Variants in VPS13D observed in about 807,000 individuals in gnomAD.
VPS13D encodes the protein intermembrane lipid transfer protein VPS13D.
A neutral mutation model predicts 461.9 loss-of-function variants in VPS13D; 187 were observed. That is an observed-to-expected ratio of 0.40 (90% CI 0.36 to 0.46). The LOEUF is 0.46. Ranked by LOEUF, VPS13D falls within the 20% of genes least tolerant of loss-of-function variation. The pLI is 0.60. For synonymous variants in VPS13D, 1,951 were observed against 1,986.3 expected, an observed-to-expected ratio of 0.98 and a Z score of 0.47; for missense variants, 4,711 against 5,364.9, an observed-to-expected ratio of 0.88 and a Z score of 3.81.
intron 14 of VPS13D, 25 bp from the exon 15 acceptor site, chr1:12,267,820 G>A (rs374375184): frequency 3.4e-5 from 55 of 1,610,880 alleles, no homozygotes; most frequent in Non-Finnish European, 4.3e-5. Flanking sequence ...TGACGTTTAC[G>A]CATTTTTGTG....
chr1:12,380,826 C>T (rs917721251), intron 57 of VPS13D, among the ~76,000 whole-genome samples: 4 of 152,284 alleles, frequency 2.6e-5, no homozygotes, highest in South Asian at 4.1e-4. Flanking sequence ...TTATCTCTAT[C>T]GCCCTGAGCT....
At position 12,356,385 on chromosome 1, in the gene VPS13D, C is replaced by T; in HGVS notation, c.9872-13C>T. On this transcript the variant is annotated splice_polypyrimidine_tract_variant and intron_variant, in intron 48 of 69. Transcript: ENST00000620676. ...GGGTGGTATTGATGTAAACTTTTCT[C>T]TCCTTCCTAAAGGGTTGCCACTGAT... 1 of 1,609,784 alleles carries T rather than the reference C, an allele frequency of 6.2e-7. No homozygotes were observed. The highest frequency in any genetic ancestry group is 1.7e-4 in the Middle Eastern group (1 of 5,850).
At chr1:12,480,084 G>A (rs1231092618) in intron 67 of VPS13D, among the ~76,000 whole-genome samples, 1 of 152,182 alleles carries the variant, frequency 6.6e-6, no homozygotes, top group Non-Finnish European at 1.5e-5. Context: ...TTTGTGCCCA[G>A]GAGCTGTGCT....
intron 22 of VPS13D, among the ~76,000 whole-genome samples, chr1:12,289,433 T>C (rs1211515121): frequency 6.6e-6 from 1 of 152,110 alleles, no homozygotes; most frequent in East Asian, 1.9e-4. Flanking sequence ...CTTTCCTAAT[T>C]ATCAAAGATT....
At chr1:12,406,356 C>A (rs1184743401) in intron 63 of VPS13D, among the ~76,000 whole-genome samples, 7 of 152,104 alleles carry the variant, frequency 4.6e-5, no homozygotes, top group Non-Finnish European at 8.8e-5. Flanking sequence ...TATATAATGG[C>A]TAAAAGTGTG....
intron 9 of VPS13D, among the ~76,000 whole-genome samples, chr1:12,257,553 A>G (rs561012536): frequency 1.1e-4 from 17 of 152,304 alleles, no homozygotes; most frequent in East Asian, 3.9e-4. Flanking sequence ...TAAAGATCCT[A>G]TGTATTTCCA....
chr1:12,358,725 G>A, intron 50 of VPS13D, 124 bp downstream of exon 50: 1 of 1,244,896 alleles, frequency 8.0e-7, no homozygotes, highest in Non-Finnish European at 1.1e-6. Flanking sequence ...TTGGCATTGG[G>A]TCAGGTATCT....
At chr1:12,327,284 G>A (rs1280704297) in intron 35 of VPS13D, among the ~76,000 whole-genome samples, 1 of 152,230 alleles carries the variant, frequency 6.6e-6, no homozygotes, top group South Asian at 2.1e-4. Flanking sequence ...ACCAAGTGGC[G>A]CCGTGTCTGG....
chr1:12,282,662 A>G (rs1641820521), intron 20 of VPS13D, 43 bp from the exon 21 acceptor site: 1 of 1,543,134 alleles, frequency 6.5e-7, no homozygotes. Flanking sequence ...ATCTACGTGC[A>G]TTTAATAATA....
Position 12,490,639 on chromosome 1 carries a change from G to A in VPS13D, c.12663-6861G>A, listed in dbSNP as rs534765625. On this transcript the variant is annotated intron_variant, in intron 67 of 69. Coordinates refer to ENST00000620676, the MANE Select transcript of VPS13D (RefSeq NM_015378.4). ...AGATGCAGCCCACAGCATGGTGGGA[G>A]CTACAGATCTGAGATAGATGCAGCC... is the stretch of plus-strand genomic sequence containing the variant. Among the ~76,000 whole-genome samples, 4 of 151,972 alleles carry A rather than the reference G, an allele frequency of 2.6e-5. No individual in the cohort carries two copies. The South Asian group carries it at 8.3e-4, about 32-fold the overall frequency.
rs962330654 is a variant in VPS13D, at chr1:12,387,215, T to G, written c.11634+881T>G. On this transcript the variant is annotated intron_variant, in intron 60 of 69. Transcript: ENST00000620676. ...GAGTCTCAGGAAAGCCTTGCCCTCATGATTAATTAGCCCTAAACTGAGCAC... is the reference window on the plus strand; with the variant it reads ...GAGTCTCAGGAAAGCCTTGCCCTCAGGATTAATTAGCCCTAAACTGAGCAC... 1.2e-4 allele frequency among the ~76,000 whole-genome samples: 19 copies of G among 152,330 alleles called. 1 individual carries two copies. Among genetic ancestry groups the G allele is most frequent in the African/African-American group, 4.6e-4 (19 of 41,576 alleles).
At position 12,260,995 on chromosome 1, in the gene VPS13D, C is replaced by T; in HGVS notation, c.1260C>T (p.Ala420=). 1.9e-6 allele frequency: 3 copies of T among 1,613,856 alleles called. No individual in the cohort carries two copies. Among genetic ancestry groups the T allele is most frequent in the Non-Finnish European group, 2.5e-6 (3 of 1,180,026 alleles). The change falls in exon 12 of 70, where the codon GCC becomes GCT. Residue 420 remains alanine, a synonymous_variant. Transcript: ENST00000620676. The part of the protein sequence containing the change: ...QFDSPGACPG[A]PEPGGGSGML... ...ATTCTCCAGGAGCCTGTCCGGGAGC[C>T]CCAGAACCCGGTGGAGGCAGTGGGA...
intron 43 of VPS13D, 122 bp from the exon 44 acceptor site, chr1:12,346,483 C>G: frequency 2.2e-6 from 2 of 892,428 alleles, no homozygotes; most frequent in East Asian, 5.0e-5. Context: ...TCATAGTAGA[C>G]TATACTTTAC....
chr1:12,271,626 A>C (rs887529626), intron 17 of VPS13D, among the ~76,000 whole-genome samples: 2 of 152,040 alleles, frequency 1.3e-5, no homozygotes, highest in Non-Finnish European at 2.9e-5. Flanking sequence ...TCGAGATTGC[A>C]CCACTGCACT....
chr1:12,236,643 A>G (rs1186791932), intron 2 of VPS13D, among the ~76,000 whole-genome samples: 1 of 152,084 alleles, frequency 6.6e-6, no homozygotes, highest in African/African-American at 2.4e-5. Flanking sequence ...TGGGCCTCCC[A>G]AAGTGCTGGG....
chr1:12,417,892 A>AG (rs2100242464), intron 65 of VPS13D, among the ~76,000 whole-genome samples: 1 of 152,196 alleles, frequency 6.6e-6, no homozygotes, highest in Non-Finnish European at 1.5e-5. Flanking sequence ...AATAAGCAAC[A>AG]GTCTTTTCTT....
intron 67 of VPS13D, among the ~76,000 whole-genome samples, chr1:12,463,721 C>T (rs1017915635): frequency 2.0e-5 from 3 of 152,150 alleles, no homozygotes; most frequent in Non-Finnish European, 4.4e-5. Flanking sequence ...TGCCCCTGCA[C>T]TCCAGCCTGG....
At chr1:12,268,643 G>A in intron 15 of VPS13D, 63 bp from the exon 16 acceptor site, 1 of 1,514,456 alleles carries the variant, frequency 6.6e-7, no homozygotes, top group South Asian at 1.3e-5. Flanking sequence ...TCCCTCACAG[G>A]TCTGTTAATA....
intron 22 of VPS13D, among the ~76,000 whole-genome samples, chr1:12,289,318 A>C (rs1642058900): frequency 1.3e-5 from 2 of 152,156 alleles, no homozygotes; most frequent in Non-Finnish European, 2.9e-5. Flanking sequence ...CCTGGACTCA[A>C]ACCATCCATC....
Sources: gnomAD v4.1 joint callset for allele counts (sites outside exome capture counted in the v4.1 genomes callset) on GRCh38, gnomAD v4.1.1 for gene constraint, MANE v1.5 for transcripts, NCBI Gene and HGNC (gene_info 2026-07-23, HGNC 2026-07-21) for gene names.